Variants in CCDC141 observed in about 807,000 individuals in gnomAD.
CCDC141 encodes coiled-coil domain containing 141.
In CCDC141, 168 loss-of-function variants were observed where a neutral mutation model predicts 181.0. The observed-to-expected ratio is 0.93, with a 90% CI of 0.82 to 1.05. The LOEUF (loss-of-function observed/expected upper bound fraction) is 1.05. Ranked by LOEUF, CCDC141 falls within the 50% of genes least tolerant of loss-of-function variation. The pLI is 0.00. For missense variants in CCDC141, 1,902 were observed against 1,788.5 expected (o/e 1.06, Z -1.14); for synonymous variants, 666 against 642.3 (o/e 1.04, Z -0.56).
chr2:179,015,679 TATATCTCATAC>T (rs1261816338), intron 2 of CCDC141, among the ~76,000 whole-genome samples: 3 of 141,380 alleles, frequency 2.1e-5, no homozygotes, highest in Non-Finnish European at 4.5e-5. Context: ...ATATCTCATA[TATATCTCATAC>T]ATATCTCATA....
intron 5 of CCDC141, among the ~76,000 whole-genome samples, chr2:178,958,160 G>A (rs934741583): frequency 2.6e-5 from 4 of 152,182 alleles, no homozygotes; most frequent in Admixed American, 6.5e-5. Context: ...AGCAGAGCAC[G>A]GAGGATTATT....
chr2:178,821,807 G>T, the CCDC141 span, among the ~76,000 whole-genome samples: 1 of 152,126 alleles, frequency 6.6e-6, no homozygotes, highest in Admixed American at 6.5e-5. Flanking sequence ...TTACACTGTT[G>T]GTGGGACTGT....
At chr2:178,946,404 G>A (rs758370966) in intron 5 of CCDC141, among the ~76,000 whole-genome samples, 1 of 152,012 alleles carries the variant, frequency 6.6e-6, no homozygotes, top group Non-Finnish European at 1.5e-5. Flanking sequence ...CACAACTAGA[G>A]CAATGATTTA....
intron 6 of CCDC141, among the ~76,000 whole-genome samples, chr2:178,922,637 C>T (rs189654547): frequency 2.0e-5 from 3 of 152,286 alleles, no homozygotes; most frequent in Admixed American, 2.0e-4. Context: ...CAAACTTAGA[C>T]TTAGTTTTGC....
chr2:178,874,090 C>G (rs1050851198), intron 12 of CCDC141: 1 of 152,148 alleles, frequency 6.6e-6, no homozygotes, highest in Non-Finnish European at 1.5e-5. Context: ...ACTGAATATA[C>G]CAGCTGGCCT....
intron 2 of CCDC141, among the ~76,000 whole-genome samples, chr2:178,989,916 G>A (rs1442736509): frequency 6.7e-6 from 1 of 150,054 alleles, no homozygotes; most frequent in African/African-American, 2.4e-5. Context: ...GAGGCAGGCG[G>A]ATCACCTGAG....
In CCDC141 at chr2:178,859,363, T is replaced by A. The variant is rs115562925; in HGVS notation, c.2725-2966A>T. Among the ~76,000 whole-genome samples the A allele has an allele frequency of 7.5e-3, 1,147 of 152,280 alleles. 5 individuals are homozygous for A. The highest frequency in any genetic ancestry group is 9.8e-3 in the Non-Finnish European group (668 of 68,016). ...ATCCCCACATAACTTGTGGTCATAT[T>A]TTTAAAGGAACTGAGTGCCATAGTC... On this transcript the variant is annotated intron_variant, in intron 17 of 23. Transcript: ENST00000443758.
chr2:179,017,369 G>T (rs971550327), intron 2 of CCDC141, among the ~76,000 whole-genome samples: 3 of 152,110 alleles, frequency 2.0e-5, no homozygotes, highest in African/African-American at 7.2e-5. Flanking sequence ...GATTTTTGAA[G>T]AAAGATGCTT....
At chr2:178,975,383 T>C (rs1190807915) in intron 3 of CCDC141, among the ~76,000 whole-genome samples, 3 of 152,142 alleles carry the variant, frequency 2.0e-5, no homozygotes, top group Non-Finnish European at 4.4e-5. Flanking sequence ...GTGTCATTGG[T>C]AAGAACTTTC....
intron 2 of CCDC141, among the ~76,000 whole-genome samples, chr2:178,985,116 C>T (rs1445545281): frequency 1.3e-5 from 2 of 151,304 alleles, no homozygotes; most frequent in Non-Finnish European, 3.0e-5. Flanking sequence ...AACAAACTAT[C>T]TCTCAGACCA....
Position 178,841,016 on chromosome 2 carries a change from T to G in CCDC141, c.3475-3272A>C, listed in dbSNP as rs372362663. Among the ~76,000 whole-genome samples, 10 of 152,322 alleles carry G rather than the reference T, an allele frequency of 6.6e-5. No individual in the cohort carries two copies. In the East Asian group the frequency reaches 1.2e-3, roughly 18 times the overall value. On this transcript the variant is annotated intron_variant, in intron 22 of 23. Transcript: ENST00000443758. ...TCAGTGGAATCATCATCTTCTTGACTTATATGATATGTTTTTATTAAGGTG... is the reference window on the plus strand; with the variant it reads ...TCAGTGGAATCATCATCTTCTTGACGTATATGATATGTTTTTATTAAGGTG...
chr2:178,973,742 T>C (rs1437629926), intron 4 of CCDC141, among the ~76,000 whole-genome samples: 1 of 152,220 alleles, frequency 6.6e-6, no homozygotes, highest in Non-Finnish European at 1.5e-5. Context: ...AACTCTTCAA[T>C]AATAGCATCC....
intron 20 of CCDC141, among the ~76,000 whole-genome samples, chr2:178,852,542 T>A (rs1432998158): frequency 6.6e-6 from 1 of 152,232 alleles, no homozygotes; most frequent in Non-Finnish European, 1.5e-5. Context: ...CCTTTTCTTC[T>A]GGAATATTAT....
intron 2 of CCDC141, among the ~76,000 whole-genome samples, chr2:178,999,246 C>A (rs1692416401): frequency 6.6e-6 from 1 of 152,158 alleles, no homozygotes; most frequent in Non-Finnish European, 1.5e-5. Context: ...GGAGCAAAAA[C>A]ACAGAAGGGT....
intron 22 of CCDC141, among the ~76,000 whole-genome samples, chr2:178,838,987 CTACT>C (rs1337683723): frequency 1.3e-5 from 2 of 152,182 alleles, no homozygotes; most frequent in Non-Finnish European, 2.9e-5. Flanking sequence ...TTTTGGGTGC[CTACT>C]TACTTAGTAT....
chr2:178,824,061 A>AACACACACAC, the CCDC141 span, among the ~76,000 whole-genome samples: 41,230 of 147,236 alleles, frequency 0.28, 6,504 homozygotes, highest in Non-Finnish European at 0.37. Flanking sequence ...TACAGAGAAA[A>AACACACACAC]ACACACACAC....
chr2:178,820,418 A>G, the CCDC141 span, among the ~76,000 whole-genome samples: 1 of 152,164 alleles, frequency 6.6e-6, no homozygotes, highest in East Asian at 1.9e-4. Flanking sequence ...TAATTTTACA[A>G]ATCGGATTCT....
chr2:178,833,557 A>G lies in CCDC141; in HGVS notation c.*616T>C. The G allele has an allele frequency of 6.5e-6, 1 of 152,710 alleles. No individual in the cohort carries two copies. The highest frequency in any genetic ancestry group is 6.5e-5 in the Admixed American group (1 of 15,362). The allele number at this position is 152,710 out of a possible 1,614,324, so 9.5% of individuals were successfully genotyped here. A position where few individuals can be genotyped will look rare whatever the true frequency, so the allele number is the denominator to read the frequency against. ...CTGACAAAAGATGGAAACTCTATTT[A>G]AAGTTGATGGCACATCTATCCTCCA... is the stretch of plus-strand genomic sequence containing the variant. On this transcript the variant is annotated 3_prime_UTR_variant, in exon 24 of 24. Transcript: ENST00000443758.
intron 6 of CCDC141, among the ~76,000 whole-genome samples, chr2:178,930,558 A>T (rs1689063791): frequency 6.6e-6 from 1 of 152,184 alleles, no homozygotes; most frequent in South Asian, 2.1e-4. Context: ...TTTAAAACTT[A>T]CTACAATCCT....
Sources: gnomAD v4.1 joint callset for allele counts (sites outside exome capture counted in the v4.1 genomes callset) on GRCh38, gnomAD v4.1.1 for gene constraint, MANE v1.5 for transcripts, NCBI Gene and HGNC (gene_info 2026-07-23, HGNC 2026-07-21) for gene names.